Variants in ENOX1 observed in about 807,000 individuals in gnomAD.
ENOX1 encodes the protein ecto-NOX disulfide-thiol exchanger 1.
ENOX1 carries 42 observed loss-of-function variants against 82.5 expected under a neutral mutation model. The ratio of observed to expected loss-of-function variants is 0.51; its 90% CI spans 0.40 to 0.66. The LOEUF (loss-of-function observed/expected upper bound fraction) is 0.66. Among genes scored for constraint, ENOX1 ranks in the 30% least tolerant of loss-of-function variants. The probability of loss-of-function intolerance (pLI) is 0.00; values close to 1 mark genes in which losing one functional copy is unlikely to be tolerated. For missense variants in ENOX1, 608 were observed against 811.6 expected, an observed-to-expected ratio of 0.75 and a Z score of 3.05; for synonymous variants, 271 against 282.2, an observed-to-expected ratio of 0.96 and a Z score of 0.40.
chr13:43,713,656 C>T (rs1227132053), intron 1 of ENOX1, among the ~76,000 whole-genome samples: 1 of 152,066 alleles, frequency 6.6e-6, no homozygotes, highest in African/African-American at 2.4e-5. Flanking sequence ...GTGTATTTGT[C>T]GAGTAATTTA....
intron 5 of ENOX1, among the ~76,000 whole-genome samples, chr13:43,368,307 C>A (rs538046264): frequency 6.6e-6 from 1 of 152,296 alleles, no homozygotes; most frequent in African/African-American, 2.4e-5. Flanking sequence ...CAGCTGTCAA[C>A]AGCTATTCTA....
intron 14 of ENOX1, among the ~76,000 whole-genome samples, chr13:43,262,441 T>A (rs962556053): frequency 6.6e-6 from 1 of 152,204 alleles, no homozygotes; most frequent in African/African-American, 2.4e-5. Flanking sequence ...TTTATTTGTC[T>A]CAGACAATAG....
intron 3 of ENOX1, among the ~76,000 whole-genome samples, chr13:43,413,944 A>G (rs897419715): frequency 2.0e-5 from 3 of 151,884 alleles, no homozygotes; most frequent in African/African-American, 7.2e-5. Context: ...TCTTAAGTAG[A>G]TTAGATATAA....
intron 16 of ENOX1, among the ~76,000 whole-genome samples, chr13:43,222,210 A>G (rs1050192951): frequency 6.6e-6 from 1 of 152,170 alleles, no homozygotes; most frequent in Admixed American, 6.5e-5. Flanking sequence ...GCCAGGGACA[A>G]GGCATGTGAA....
At chr13:43,762,251 C>A (rs1288935056) in intron 1 of ENOX1, among the ~76,000 whole-genome samples, 2 of 152,168 alleles carry the variant, frequency 1.3e-5, no homozygotes, top group African/African-American at 4.8e-5. Flanking sequence ...TTCCTCTAAG[C>A]AAACATCTCC....
At chr13:43,305,213 T>C (rs1334796239) in intron 11 of ENOX1, among the ~76,000 whole-genome samples, 2 of 152,148 alleles carry the variant, frequency 1.3e-5, no homozygotes, top group Non-Finnish European at 2.9e-5. Context: ...GAGAGCCTCT[T>C]ATGGTACCAA....
intron 2 of ENOX1, among the ~76,000 whole-genome samples, chr13:43,520,897 A>G (rs78660680): frequency 0.034 from 5,132 of 152,262 alleles, 300 homozygotes; most frequent in African/African-American, 0.12. Context: ...CCATATCCAA[A>G]CAATATGATT....
chr13:43,531,906 A>G (rs2078242813), intron 2 of ENOX1, among the ~76,000 whole-genome samples: 1 of 141,324 alleles, frequency 7.1e-6, no homozygotes, highest in Admixed American at 7.2e-5. Context: ...GGGGAACATC[A>G]CACACTGGGG....
chr13:43,235,815 T>C (rs185128909), intron 15 of ENOX1, among the ~76,000 whole-genome samples: 1 of 151,968 alleles, frequency 6.6e-6, no homozygotes, highest in East Asian at 1.9e-4. Context: ...TGCATGTACA[T>C]TGGCCTCATT....
intron 2 of ENOX1, among the ~76,000 whole-genome samples, chr13:43,585,952 C>T (rs1233880233): frequency 6.6e-6 from 1 of 152,164 alleles, no homozygotes; most frequent in Non-Finnish European, 1.5e-5. Flanking sequence ...TGTTTTGATA[C>T]ATGTATACAT....
intron 1 of ENOX1, among the ~76,000 whole-genome samples, chr13:43,671,778 CTA>C (rs1356004518): frequency 2.0e-5 from 3 of 152,118 alleles, no homozygotes; most frequent in African/African-American, 7.2e-5. Flanking sequence ...TCAAGGATCC[CTA>C]TCTCTCTGGA....
chr13:43,389,668 T>A (rs2052649528), intron 5 of ENOX1, among the ~76,000 whole-genome samples: 1 of 152,234 alleles, frequency 6.6e-6, no homozygotes, highest in Non-Finnish European at 1.5e-5. Context: ...TCCCATTTTC[T>A]AATGAGGAAA....
intron 1 of ENOX1, among the ~76,000 whole-genome samples, chr13:43,703,033 G>C (rs958828596): frequency 6.7e-6 from 1 of 148,536 alleles, no homozygotes; most frequent in Non-Finnish European, 1.5e-5. Context: ...CACACAGAAG[G>C]CACCATCTAT....
intron 5 of ENOX1, among the ~76,000 whole-genome samples, chr13:43,387,481 G>C (rs1212599686): frequency 6.6e-6 from 1 of 152,072 alleles, no homozygotes; most frequent in Non-Finnish European, 1.5e-5. Context: ...GGTGGGTAAG[G>C]GGTACAGTGA....
At chr13:43,273,160 T>C (rs2044791944) in intron 12 of ENOX1, among the ~76,000 whole-genome samples, 1 of 152,090 alleles carries the variant, frequency 6.6e-6, no homozygotes, top group Admixed American at 6.6e-5. Context: ...CCCCAACCAG[T>C]CTAAACGTCT....
At chr13:43,295,147 T>C (rs1364283335) in intron 12 of ENOX1, among the ~76,000 whole-genome samples, 1 of 152,224 alleles carries the variant, frequency 6.6e-6, no homozygotes, top group African/African-American at 2.4e-5. Context: ...TTCAGTGTGG[T>C]AACCTGAAGA....
intron 3 of ENOX1, 64 bp from the exon 4 acceptor site, chr13:43,413,052 A>G: frequency 1.4e-6 from 2 of 1,391,168 alleles, no homozygotes; most frequent in Admixed American, 3.0e-5. Context: ...AACGTCAAGG[A>G]ACAAACTGTT....
At chr13:43,741,500 T>C (rs1471299463) in intron 1 of ENOX1, among the ~76,000 whole-genome samples, 1 of 152,218 alleles carries the variant, frequency 6.6e-6, no homozygotes, top group Non-Finnish European at 1.5e-5. Flanking sequence ...TGGTATCTCA[T>C]AGTGGTTTTG....
At chr13:43,555,105 T>G (rs979163885) in intron 2 of ENOX1, among the ~76,000 whole-genome samples, 2 of 52,980 alleles carry the variant, frequency 3.8e-5, no homozygotes, top group African/African-American at 1.2e-4. Context: ...TATCCCAAAA[T>G]AGTAAATTAT....
Sources: allele counts gnomAD v4.1 joint callset (sites outside exome capture counted in the v4.1 genomes callset), GRCh38; gene constraint gnomAD v4.1.1; transcripts MANE v1.5; gene names NCBI Gene and HGNC (gene_info 2026-07-23, HGNC 2026-07-21).